FAT1: variants seen among roughly 807,000 people sequenced by gnomAD.
FAT1 encodes protocadherin Fat 1.
In FAT1, 171 loss-of-function variants were observed where a neutral mutation model predicts 329.8. That is an observed-to-expected ratio of 0.52 (90% CI 0.46 to 0.59). FAT1 has a LOEUF of 0.59. FAT1 is among the 20% of genes least tolerant of loss of function. The probability of loss-of-function intolerance (pLI) is 0.00; values close to 1 mark genes in which losing one functional copy is unlikely to be tolerated. For synonymous variants in FAT1, 2,233 were observed against 2,228.6 expected (o/e 1.00, Z -0.06); for missense variants, 5,672 against 5,774.4 (o/e 0.98, Z 0.57).
Position 186,651,172 on chromosome 4 carries a change from T to C in FAT1, c.3581-11389A>G, listed in dbSNP as rs141844465. ...TAATAATAAATTTATTAATAATAAA[T>C]TAATAAAGCACCATGAGCTACAGAA... On this transcript the variant is annotated intron_variant, in intron 3 of 26. Coordinates refer to ENST00000441802, the MANE Select transcript of FAT1 (RefSeq NM_005245.4). Among the ~76,000 whole-genome samples, 519 of 150,468 alleles carry C rather than the reference T, an allele frequency of 3.4e-3. 3 individuals carry two copies. The highest frequency in any genetic ancestry group is 5.6e-3 in the Non-Finnish European group (376 of 67,676).
intron 2 of FAT1, among the ~76,000 whole-genome samples, chr4:186,683,657 CT>C (rs1743329541): frequency 1.3e-5 from 2 of 152,122 alleles, no homozygotes; most frequent in Non-Finnish European, 2.9e-5. Flanking sequence ...AGCAGGCACA[CT>C]TGCCACTCTT....
chr4:186,598,243 A>C, intron 22 of FAT1, 118 bp from the exon 23 acceptor site: 2 of 1,037,352 alleles, frequency 1.9e-6, no homozygotes, highest in African/African-American at 1.6e-5. Context: ...TAAAATTCTC[A>C]CTCTCTCTGG....
intron 22 of FAT1, 30 bp from the exon 23 acceptor site, chr4:186,598,155 C>T (rs564219664): frequency 1.3e-6 from 2 of 1,579,054 alleles, no homozygotes; most frequent in Admixed American, 1.9e-5. Context: ...CAAAAAAGTC[C>T]TATCACTCAA....
intron 3 of FAT1, among the ~76,000 whole-genome samples, chr4:186,652,466 A>G (rs996123154): frequency 6.6e-6 from 1 of 152,242 alleles, no homozygotes; most frequent in Non-Finnish European, 1.5e-5. Context: ...CATCATCAAC[A>G]TCGGCAGAAA....
intron 1 of FAT1, among the ~76,000 whole-genome samples, chr4:186,719,436 A>G (rs936044725): frequency 3.9e-5 from 6 of 152,230 alleles, no homozygotes; most frequent in Non-Finnish European, 8.8e-5. Flanking sequence ...ATTTGGGTAT[A>G]AAATCCCAAA....
In FAT1 at chr4:186,628,479, A is replaced by G. The variant is rs773627579; in HGVS notation, c.4599+9T>C. On this transcript the variant is annotated intron_variant, in intron 8 of 26. Coordinates refer to ENST00000441802, the MANE Select transcript of FAT1 (RefSeq NM_005245.4). ...CAAATGGTGGGAGGAGAGCGGGTAG[A>G]GCGCCTACCATGACCGTGAGGGTGT... The G allele has an allele frequency of 3.1e-6, 5 of 1,613,796 alleles. No individual in the cohort carries two copies. The South Asian group carries it at 5.5e-5, about 18-fold the overall frequency.
intron 3 of FAT1, among the ~76,000 whole-genome samples, chr4:186,656,596 C>G (rs1579398234): frequency 6.6e-6 from 1 of 150,898 alleles, no homozygotes; most frequent in East Asian, 1.9e-4. Flanking sequence ...GCCTTCCGGC[C>G]TTGCTGAGCA....
chr4:186,588,520 C>G lies in FAT1; in HGVS notation c.*72G>C. 1.3e-6 allele frequency: 2 copies of G among 1,513,582 alleles called. No homozygotes were observed. The highest frequency in any genetic ancestry group is 1.3e-5 in the South Asian group (1 of 75,738). The allele number at this position is 1,513,582 out of a possible 1,614,324, so 93.8% of individuals were successfully genotyped here. ...CAAAAAAAGCTTGGAAGCACTGCTG[C>G]AAAGAACAGCGCGGATTACTCACAT... On this transcript the variant is annotated 3_prime_UTR_variant, in exon 27 of 27. Coordinates refer to ENST00000441802, the MANE Select transcript of FAT1 (RefSeq NM_005245.4).
intron 24 of FAT1, 170 bp from the exon 25 acceptor site, chr4:186,597,341 T>C: frequency 1.5e-6 from 1 of 686,258 alleles, no homozygotes; most frequent in Non-Finnish European, 2.3e-6. Context: ...AGAAAAGACC[T>C]TCTGTGGAGA....
At chr4:186,602,170 T>C (rs1159299682) in intron 20 of FAT1, among the ~76,000 whole-genome samples, 1 of 152,074 alleles carries the variant, frequency 6.6e-6, no homozygotes, top group Non-Finnish European at 1.5e-5. Flanking sequence ...AAATAGATGG[T>C]GGGGAATTTG....
At chr4:186,703,835 C>A (rs1385766616) in intron 2 of FAT1, among the ~76,000 whole-genome samples, 1 of 152,222 alleles carries the variant, frequency 6.6e-6, no homozygotes, top group African/African-American at 2.4e-5. Flanking sequence ...TTCCACACTT[C>A]CTTCATGCCC....
intron 12 of FAT1, among the ~76,000 whole-genome samples, chr4:186,613,670 T>C (rs1328598727): frequency 1.3e-5 from 2 of 152,218 alleles, no homozygotes; most frequent in Non-Finnish European, 2.9e-5. Context: ...GATTCACATG[T>C]TCACAATTAG....
At chr4:186,680,340 A>G (rs1204495349) in intron 2 of FAT1, among the ~76,000 whole-genome samples, 2 of 152,244 alleles carry the variant, frequency 1.3e-5, no homozygotes, top group East Asian at 3.8e-4. Flanking sequence ...AACAAATTCC[A>G]GTAATATAGC....
chr4:186,596,321 T>TA lies in FAT1; in HGVS notation c.13000+218dup, dbSNP rs1738509557. On this transcript the variant is annotated intron_variant, in intron 25 of 26. Transcript: ENST00000441802. This position sits in a 1 kb window ranked among gnomAD's most constrained non-coding sequence, Gnocchi z 4.7. Reference sequence around the variant, plus strand: ...GAAATGATCTCTCCAGAATATTAACTAAACATGACTAGATTCAATTTCTTA... The same window carrying TA: ...GAAATGATCTCTCCAGAATATTAACTAAAACATGACTAGATTCAATTTCTTA... Among the ~76,000 whole-genome samples, 1 of 152,180 alleles carries TA rather than the reference T, an allele frequency of 6.6e-6. No individual in the cohort carries two copies. The highest frequency in any genetic ancestry group is 2.4e-5 in the African/African-American group (1 of 41,438).
intron 2 of FAT1, among the ~76,000 whole-genome samples, chr4:186,669,010 A>G (rs778877563): frequency 1.3e-5 from 2 of 152,134 alleles, no homozygotes; most frequent in Non-Finnish European, 2.9e-5. Context: ...GGAACCAACA[A>G]AAACTATAGT....
chr4:186,683,472 A>C (rs981098081), intron 2 of FAT1, among the ~76,000 whole-genome samples: 15 of 152,190 alleles, frequency 9.9e-5, no homozygotes, highest in African/African-American at 3.6e-4. Flanking sequence ...GTCAACTACC[A>C]GATGAATGAA....
rs2126686944 is a variant in FAT1 at position 186,707,251 on chromosome 4, G to A, written c.2577C>T (p.Tyr859=). Reference sequence around the variant, plus strand: ...ATGTGTCTGTGTCTGTAACAATTGAGTACGTCACGTGTCCGTTGGGCCCCA... The same window carrying A: ...ATGTGTCTGTGTCTGTAACAATTGAATACGTCACGTGTCCGTTGGGCCCCA... ...KDLGPNGHVT[Y]SIVTDTDTFS... The change falls in exon 2 of 27, where the codon TAC becomes TAT. Residue 859 remains tyrosine, a synonymous_variant. Coordinates refer to ENST00000441802, the MANE Select transcript of FAT1 (RefSeq NM_005245.4). 1.9e-6 allele frequency: 3 copies of A among 1,613,956 alleles called. No homozygotes were observed. The highest frequency in any genetic ancestry group is 2.5e-6 in the Non-Finnish European group (3 of 1,179,888).
Position 186,663,344 on chromosome 4 carries a change from T to A in FAT1, c.3535A>T (p.Thr1179Ser), listed in dbSNP as rs200917026. The change falls in exon 3 of 27, where the codon ACA (threonine) becomes TCA (serine). Residue 1179 changes from threonine to serine, a missense_variant. Thr to Ser is a moderately conservative substitution (Grantham distance 58). This residue lies in a region of FAT1 where 3,966 missense variants were observed against 3,915.2 expected (regional missense o/e 1.01). Coordinates refer to ENST00000441802, the MANE Select transcript of FAT1 (RefSeq NM_005245.4). ...SSNDKLMYKI[T>S]SGNPQGFFSI... ...AAGAATCCTTGTGGATTTCCACTTG[T>A]AATTTTGTACATGAGCTTGTCATTA... 6.5e-5 allele frequency: 105 copies of A among 1,614,022 alleles called. No individual in the cohort carries two copies. The Admixed American group carries it at 1.7e-3, about 26-fold the overall frequency.
intron 1 of FAT1, among the ~76,000 whole-genome samples, chr4:186,713,931 C>T (rs1469076559): frequency 1.3e-5 from 2 of 152,226 alleles, no homozygotes; most frequent in Non-Finnish European, 2.9e-5. Flanking sequence ...AAGCGATCTG[C>T]CCAACTCGGC....
Sources: allele counts gnomAD v4.1 joint callset (sites outside exome capture counted in the v4.1 genomes callset), GRCh38; gene constraint gnomAD v4.1.1; regional missense constraint gnomAD v4.1.1; non-coding constraint Gnocchi (gnomAD v3.1); transcripts MANE v1.5; gene names NCBI Gene and HGNC (gene_info 2026-07-23, HGNC 2026-07-21).